VAV2: variants seen among roughly 807,000 people sequenced by gnomAD.
The protein encoded by VAV2 is vav guanine nucleotide exchange factor 2, also known as guanine nucleotide exchange factor VAV2.
In VAV2, 67 loss-of-function variants were observed where a neutral mutation model predicts 132.5. The ratio of observed to expected loss-of-function variants is 0.51; its 90% CI spans 0.42 to 0.62. VAV2 has a LOEUF of 0.62. Among genes scored for constraint, VAV2 ranks in the 20% least tolerant of loss-of-function variants. The probability of loss-of-function intolerance (pLI) is 0.00; values close to 1 mark genes in which losing one functional copy is unlikely to be tolerated. For missense variants in VAV2, 938 were observed against 1,153.6 expected, an observed-to-expected ratio of 0.81 and a Z score of 2.71; for synonymous variants, 492 against 443.5, an observed-to-expected ratio of 1.11 and a Z score of -1.37.
At chr9:133,780,015 G>A (rs12555811) in intron 20 of VAV2, 76 bp from the exon 21 acceptor site, 140,292 of 1,585,522 alleles carry the variant, frequency 0.088, 6,685 homozygotes, top group Admixed American at 0.13. Context: ...AACGCACCCC[G>A]CCCTCCCTGT....
rs767869699 is a variant in VAV2 at position 133,812,150 on chromosome 9, G to A, written c.516C>T (p.Tyr172=). The part of the protein sequence containing the change: ...VPCEDGGDDI[Y]EDIIKVEVQQ... ...GCACCTCCACCTTGATGATGTCCTC[G>A]TAGATGTCGTCCCCTCCATCCTCAC... The change falls in exon 5 of 30, where the codon TAC becomes TAT. Residue 172 remains tyrosine, a synonymous_variant. Transcript: ENST00000371850. The A allele has an allele frequency of 2.0e-5, 32 of 1,613,910 alleles. No individual in the cohort carries two copies. Among genetic ancestry groups the A allele is most frequent in the Admixed American group, 5.0e-5 (3 of 60,010 alleles).
rs759818870 is a variant in VAV2 at position 133,939,236 on chromosome 9, A to G, written c.205-17T>C. 9 of 1,604,976 alleles carry G rather than the reference A, an allele frequency of 5.6e-6. No individual in the cohort carries two copies. The highest frequency in any genetic ancestry group is 1.7e-4 in the Middle Eastern group (1 of 6,046). On this transcript the variant is annotated splice_polypyrimidine_tract_variant and intron_variant, in intron 1 of 29. Coordinates refer to ENST00000371850, the MANE Select transcript of VAV2 (RefSeq NM_001134398.2). ...ACACAGAAACTAAAGGGAAAAAACA[A>G]AGGGAGGGCAAGGAAAAACTTATTA...
At chr9:133,842,902 C>A (rs1836782200) in intron 3 of VAV2, among the ~76,000 whole-genome samples, 1 of 152,236 alleles carries the variant, frequency 6.6e-6, no homozygotes, top group Non-Finnish European at 1.5e-5. Flanking sequence ...TCAGGAAGCG[C>A]AGCGTGGAGG....
chr9:133,770,528 G>T, intron 26 of VAV2, 27 bp from the exon 27 acceptor site: 1 of 1,609,920 alleles, frequency 6.2e-7, no homozygotes, highest in African/African-American at 1.3e-5. Flanking sequence ...CTCACTGACA[G>T]CTGCTGCCAC....
chr9:133,806,858 G>A (rs1397011841), intron 8 of VAV2, among the ~76,000 whole-genome samples: 5 of 152,252 alleles, frequency 3.3e-5, no homozygotes, highest in East Asian at 1.9e-4. Context: ...TGCTAACCAC[G>A]TCTAGGTGAC....
rs1836523836 is a variant in VAV2 at position 133,837,650 on chromosome 9, G to A, written c.381-3310C>T. 3.3e-5 allele frequency among the ~76,000 whole-genome samples: 5 copies of A among 150,664 alleles called. No homozygotes were observed. In the South Asian group the frequency reaches 1.0e-3, roughly 31 times the overall value. ...GGAGGCGGAGGTTGCTGTGAGCCAA[G>A]ATCGTGCCATTTCACTCCAGCCTGG... On this transcript the variant is annotated intron_variant, in intron 3 of 29. Transcript: ENST00000371850.
chr9:133,930,339 C>T (rs956300249), intron 2 of VAV2, among the ~76,000 whole-genome samples: 1 of 103,046 alleles, frequency 9.7e-6, no homozygotes, highest in African/African-American at 3.3e-5. Flanking sequence ...TCCCAGCAGC[C>T]TTGCTGCCTC....
intron 1 of VAV2, among the ~76,000 whole-genome samples, chr9:133,952,613 A>C (rs1242156019): frequency 1.3e-5 from 2 of 151,694 alleles, no homozygotes; most frequent in South Asian, 2.1e-4. Context: ...GGGGAAAAAA[A>C]AAACAAACCT....
At chr9:133,900,619 G>C (rs1839401183) in intron 2 of VAV2, among the ~76,000 whole-genome samples, 3 of 151,922 alleles carry the variant, frequency 2.0e-5, no homozygotes, top group Non-Finnish European at 4.4e-5. Flanking sequence ...TAAGAATCCA[G>C]GCTCATCTGC....
chr9:133,959,393 C>T (rs1359991731), intron 1 of VAV2, among the ~76,000 whole-genome samples: 5 of 152,160 alleles, frequency 3.3e-5, no homozygotes, highest in Admixed American at 6.5e-5. Flanking sequence ...CCACCCTCTG[C>T]GCCAGACTGC....
At position 133,785,812 on chromosome 9, in the gene VAV2, A is replaced by G. The variant is rs771536985; in HGVS notation, c.1496T>C (p.Met499Thr). The G allele has an allele frequency of 6.2e-6, 10 of 1,613,908 alleles. No individual in the cohort carries two copies. The highest frequency in any genetic ancestry group is 3.3e-5 in the Admixed American group (2 of 59,996). Residue 499 changes from methionine (M) to threonine (T), a missense_variant, in exon 17 of 30, where the codon ATG (methionine) becomes ACG (threonine). Coordinates refer to ENST00000371850, the MANE Select transcript of VAV2 (RefSeq NM_001134398.2). ...GFQFFCKTED[M>T]KRKWMEQFEM... ...AAACTGCTCCATCCACTTCCTCTTC[A>G]TATCTTCTGTTTTGCAGAAAAACTG...
chr9:133,943,543 G>A (rs1426221451), intron 1 of VAV2, among the ~76,000 whole-genome samples: 2 of 152,210 alleles, frequency 1.3e-5, no homozygotes, highest in African/African-American at 4.8e-5. Context: ...CAGCATCCTG[G>A]ACTTTAAGTC....
At chr9:133,943,523 C>G (rs1183343977) in intron 1 of VAV2, among the ~76,000 whole-genome samples, 1 of 152,252 alleles carries the variant, frequency 6.6e-6, no homozygotes, top group Non-Finnish European at 1.5e-5. Flanking sequence ...AAGGCAGCCA[C>G]TGCTTCCCCC....
intron 2 of VAV2, among the ~76,000 whole-genome samples, chr9:133,869,542 C>T (rs888335758): frequency 6.6e-6 from 1 of 152,226 alleles, no homozygotes; most frequent in South Asian, 2.1e-4. Flanking sequence ...CCCAGGAGGT[C>T]GAAGCTGCAG....
intron 1 of VAV2, among the ~76,000 whole-genome samples, chr9:133,955,961 G>T (rs1466929617): frequency 6.6e-6 from 1 of 150,642 alleles, no homozygotes; most frequent in Non-Finnish European, 1.5e-5. Context: ...CCGCTCCGGG[G>T]AGCTCTCAGA....
intron 22 of VAV2, 69 bp downstream of exon 22, chr9:133,778,693 C>A: frequency 6.3e-7 from 1 of 1,582,376 alleles, no homozygotes; most frequent in Non-Finnish European, 8.6e-7. Context: ...GGACTTTATG[C>A]TTCTGCCCCA....
rs200919299 is a variant in VAV2, at chr9:133,861,562, CG to C, written c.322-131del. On this transcript the variant is annotated intron_variant, in intron 2 of 29. Transcript: ENST00000371850. ...GCACATCGCATCTGGGTAAGAAACA[CG>C]GCATAGCGTTTTGTAGGCTAGACAC... 5,951 of 966,024 alleles carry C rather than the reference CG, an allele frequency of 6.2e-3. 113 individuals are homozygous for C. The highest frequency in any genetic ancestry group is 0.059 in the Admixed American group (1,981 of 33,608). 59.8% of individuals were successfully genotyped at this position (966,024 alleles called of 1,614,324 possible).
chr9:133,787,101 C>G lies in VAV2; in HGVS notation c.1422+145G>C, dbSNP rs554776767. 158 of 885,172 alleles carry G rather than the reference C, an allele frequency of 1.8e-4. 3 individuals are homozygous for G. The South Asian group carries it at 5.1e-3, about 28-fold the overall frequency. The allele number at this position is 885,172 out of a possible 1,614,324, so 54.8% of individuals were successfully genotyped here. On this transcript the variant is annotated intron_variant, in intron 16 of 29. Transcript: ENST00000371850. ...TCATGAATACAAATCATTTCATCAT[C>G]GGGAAAGGGAGTGGAGGACGAAGGA...
chr9:133,990,417 C>T (rs906926952), intron 1 of VAV2, among the ~76,000 whole-genome samples: 12 of 152,142 alleles, frequency 7.9e-5, no homozygotes, highest in African/African-American at 2.7e-4. Flanking sequence ...GCCACAGCCA[C>T]GGCCCCCTCC....
Sources: allele counts gnomAD v4.1 joint callset (sites outside exome capture counted in the v4.1 genomes callset), GRCh38; gene constraint gnomAD v4.1.1; transcripts MANE v1.5; gene names NCBI Gene and HGNC (gene_info 2026-07-23, HGNC 2026-07-21).